Variants in SEC24A observed in about 807,000 individuals in gnomAD.
SEC24A encodes the protein SEC24 homolog A, COPII component.
A neutral mutation model predicts 129.4 loss-of-function variants in SEC24A; 93 were observed. The observed-to-expected ratio is 0.72, with a 90% CI of 0.61 to 0.85. The LOEUF (loss-of-function observed/expected upper bound fraction) is 0.85. SEC24A is among the 40% of genes least tolerant of loss of function. The pLI, the probability that SEC24A is intolerant of heterozygous loss-of-function variation, is 0.00. For missense variants in SEC24A, 1,264 were observed against 1,307.4 expected (o/e 0.97, Z 0.51); for synonymous variants, 460 against 467.3 (o/e 0.98, Z 0.20).
Position 134,727,494 on chromosome 5 carries a change from A to G in SEC24A, c.*2400A>G, listed in dbSNP as rs1752782674. On this transcript the variant is annotated 3_prime_UTR_variant, in exon 23 of 23. Transcript: ENST00000398844. ...ATTTTCACTGTTTTTAATTTAATGTATTGAGTCTAATAGACTGTTTTGCAA... is the reference window on the plus strand; with the variant it reads ...ATTTTCACTGTTTTTAATTTAATGTGTTGAGTCTAATAGACTGTTTTGCAA... 1 of 152,586 alleles carries G rather than the reference A, an allele frequency of 6.6e-6. No homozygotes were observed. The highest frequency in any genetic ancestry group is 6.5e-5 in the Admixed American group (1 of 15,274). 9.5% of individuals were successfully genotyped at this position (152,586 alleles called of 1,614,324 possible). A position where few individuals can be genotyped will look rare whatever the true frequency, so the allele number is the denominator to read the frequency against.
chr5:134,721,063 A>G lies in SEC24A; in HGVS notation c.3036A>G (p.Gln1012=), dbSNP rs762879159. ...TTCTCAGCCAAGTTCTAGGAGTTCA[A>G]AACTATGCATCAATTCCACAGCCTA... is the stretch of plus-strand genomic sequence containing the variant. ...QNFLSQVLGV[Q]NYASIPQPMT... Residue 1012 remains glutamine (Q), a synonymous_variant, in exon 21 of 23, where the codon CAA becomes CAG. Coordinates refer to ENST00000398844, the MANE Select transcript of SEC24A (RefSeq NM_021982.3). 2 of 1,611,698 alleles carry G rather than the reference A, an allele frequency of 1.2e-6. No homozygotes were observed. Among genetic ancestry groups the G allele is most frequent in the Non-Finnish European group, 1.7e-6 (2 of 1,177,920 alleles).
chr5:134,715,066 A>AT lies in SEC24A; in HGVS notation c.2775dup (p.Ala926CysfsTer23). On this transcript the variant is annotated frameshift_variant, in exon 19 of 23. Coordinates refer to ENST00000398844, the MANE Select transcript of SEC24A (RefSeq NM_021982.3). LOFTEE classifies it high-confidence loss of function. The stretch of plus-strand genomic sequence containing the variant: ...GACAAATGCACGTCTAGATGAACGC[A>AT]TTTTTGCTATGTGTCAAGTGAAAAA... The AT allele has an allele frequency of 1.2e-6, 2 of 1,613,082 alleles. No individual in the cohort carries two copies. Among genetic ancestry groups the AT allele is most frequent in the Non-Finnish European group, 1.7e-6 (2 of 1,179,746 alleles).
intron 19 of SEC24A, among the ~76,000 whole-genome samples, chr5:134,717,229 C>G (rs1479251529): frequency 2.0e-5 from 3 of 152,020 alleles, no homozygotes; most frequent in South Asian, 2.1e-4. Context: ...AATGGCCAGG[C>G]ACGGTAAATC....
At position 134,693,248 on chromosome 5, in the gene SEC24A, A is replaced by G. The variant is rs1360213924; in HGVS notation, c.1780-479A>G. ...CATAGTGCGAAGTATTTTTTTCCCC[A>G]TTAACTCTATTTGTACAACCTAACC... On this transcript the variant is annotated intron_variant, in intron 12 of 22. Coordinates refer to ENST00000398844, the MANE Select transcript of SEC24A (RefSeq NM_021982.3). 9.6e-6 allele frequency: 14 copies of G among 1,464,094 alleles called. No individual in the cohort carries two copies. The African/African-American group carries it at 1.4e-4, about 15-fold the overall frequency. 90.7% of individuals were successfully genotyped at this position (1,464,094 alleles called of 1,614,324 possible).
chr5:134,675,367 A>G lies in SEC24A; in HGVS notation c.1151+150A>G, dbSNP rs1022146415. Reference sequence around the variant, plus strand: ...TAGAACTCTTTTACTTGTTTACTTAATAGAGATTTGAAAAGTCCTACGTCA... The same window carrying G: ...TAGAACTCTTTTACTTGTTTACTTAGTAGAGATTTGAAAAGTCCTACGTCA... On this transcript the variant is annotated intron_variant, in intron 6 of 22. Transcript: ENST00000398844. 6.4e-6 allele frequency: 4 copies of G among 620,390 alleles called. No individual in the cohort carries two copies. The African/African-American group carries it at 7.3e-5, about 11-fold the overall frequency. 38.4% of individuals were successfully genotyped at this position (620,390 alleles called of 1,614,324 possible). A position where few individuals can be genotyped will look rare whatever the true frequency, so the allele number is the denominator to read the frequency against.
intron 2 of SEC24A, among the ~76,000 whole-genome samples, chr5:134,662,805 T>A (rs930442412): frequency 6.6e-6 from 1 of 152,152 alleles, no homozygotes; most frequent in African/African-American, 2.4e-5. Context: ...TTTGATACCA[T>A]GAGTGAGCAT....
At chr5:134,696,714 G>C (rs1751836711) in intron 13 of SEC24A, among the ~76,000 whole-genome samples, 1 of 151,928 alleles carries the variant, frequency 6.6e-6, no homozygotes, top group South Asian at 2.1e-4. Flanking sequence ...TAGCCAGGAT[G>C]GTCTCGATCT....
chr5:134,693,658 G>T, intron 12 of SEC24A, 69 bp from the exon 13 acceptor site: 1 of 1,563,324 alleles, frequency 6.4e-7, no homozygotes, highest in South Asian at 1.2e-5. Flanking sequence ...TCTATTGTAT[G>T]AGATACTGAC....
At chr5:134,713,626 T>C (rs1752393162) in intron 18 of SEC24A, among the ~76,000 whole-genome samples, 1 of 152,128 alleles carries the variant, frequency 6.6e-6, no homozygotes, top group Admixed American at 6.6e-5. Flanking sequence ...TCTTAAGAGC[T>C]TTTATTATCT....
chr5:134,692,763 G>A, intron 12 of SEC24A, 106 bp downstream of exon 12: 1 of 795,016 alleles, frequency 1.3e-6, no homozygotes, highest in Non-Finnish European at 2.2e-6. Context: ...ACATTTCTAA[G>A]ATGTGTAGCA....
rs911372010 is a variant in SEC24A, at chr5:134,725,717, T to C, written c.*623T>C. 27 of 152,542 alleles carry C rather than the reference T, an allele frequency of 1.8e-4. No homozygotes were observed. The highest frequency in any genetic ancestry group is 6.5e-4 in the African/African-American group (27 of 41,440). The allele number at this position is 152,542 out of a possible 1,614,324, so 9.4% of individuals were successfully genotyped here. A position where few individuals can be genotyped will look rare whatever the true frequency, so the allele number is the denominator to read the frequency against. Reference sequence around the variant, plus strand: ...CTTTAAAATCTGTCAGTATTCTTTATGCTTGAAGAACAAAGTCACTTTGAT... The same window carrying C: ...CTTTAAAATCTGTCAGTATTCTTTACGCTTGAAGAACAAAGTCACTTTGAT... On this transcript the variant is annotated 3_prime_UTR_variant, in exon 23 of 23. Coordinates refer to ENST00000398844, the MANE Select transcript of SEC24A (RefSeq NM_021982.3).
Position 134,674,720 on chromosome 5 carries a change from C to A in SEC24A, c.923C>A (p.Thr308Asn), listed in dbSNP as rs376916049. 1 of 1,613,968 alleles carries A rather than the reference C, an allele frequency of 6.2e-7. No homozygotes were observed. Among genetic ancestry groups the A allele is most frequent in the Admixed American group, 1.7e-5 (1 of 59,980 alleles). Residue 308 changes from threonine (T) to asparagine (N), a missense_variant, in exon 5 of 23, where the codon ACT becomes AAT. Coordinates refer to ENST00000398844, the MANE Select transcript of SEC24A (RefSeq NM_021982.3). Reference sequence around the variant, plus strand: ...CAGAACACAACACCACCTGGTGCAACTGGAGTACCACCCTCTTCCTTGAAT... The same window carrying A: ...CAGAACACAACACCACCTGGTGCAAATGGAGTACCACCCTCTTCCTTGAAT... ...GYQNTTPPGA[T>N]GVPPSSLNYP... is the part of the protein sequence containing the mutation.
chr5:134,674,928 C>A, intron 5 of SEC24A, 117 bp from the exon 6 acceptor site: 1 of 1,161,330 alleles, frequency 8.6e-7, no homozygotes. Context: ...ATACATTTTT[C>A]CAGAACCAAA....
chr5:134,700,756 T>C (rs1001584573), intron 15 of SEC24A, among the ~76,000 whole-genome samples: 7 of 151,916 alleles, frequency 4.6e-5, no homozygotes, highest in Non-Finnish European at 1.0e-4. Flanking sequence ...TCTTGCTCTT[T>C]TGTCCAGGCT....
rs762867639 is a variant in SEC24A, at chr5:134,703,952, TTGGATTTCAAATGTTCAAATATTGTC to T, written c.2440+35_2440+60del. ...GCAAAGGTAAATTGTTTGTTTTTTT[TTGGATTTCAAATGTTCAAATATTGTC>T]TGGATTTCAAATGTCAAAATGGGCT... On this transcript the variant is annotated intron_variant, in intron 16 of 22. Coordinates refer to ENST00000398844, the MANE Select transcript of SEC24A (RefSeq NM_021982.3). The T allele has an allele frequency of 3.3e-6, 5 of 1,525,294 alleles. No homozygotes were observed. Among genetic ancestry groups the T allele is most frequent in the Non-Finnish European group, 4.5e-6 (5 of 1,123,134 alleles). The allele number at this position is 1,525,294 out of a possible 1,614,324, so 94.5% of individuals were successfully genotyped here.
intron 18 of SEC24A, 118 bp from the exon 19 acceptor site, chr5:134,714,906 T>A: frequency 9.9e-7 from 1 of 1,013,624 alleles, no homozygotes; most frequent in Non-Finnish European, 1.4e-6. Context: ...TTAAAAAAAT[T>A]AACAGTAAAT....
chr5:134,667,040 T>C, intron 3 of SEC24A, 44 bp downstream of exon 3: 1 of 1,475,714 alleles, frequency 6.8e-7, no homozygotes, highest in East Asian at 2.4e-5. Flanking sequence ...AGTTTTGACT[T>C]AGGGTAGAAA....
At chr5:134,670,470 A>G (rs913530302) in intron 3 of SEC24A, among the ~76,000 whole-genome samples, 1 of 152,220 alleles carries the variant, frequency 6.6e-6, no homozygotes, top group Non-Finnish European at 1.5e-5. Context: ...AGTGTCTTCT[A>G]TTCCTGAATT....
chr5:134,716,882 T>C (rs1752491310), intron 19 of SEC24A, among the ~76,000 whole-genome samples: 1 of 138,410 alleles, frequency 7.2e-6, no homozygotes. Context: ...ACTTTTTTAC[T>C]TTTTTTTTTT....
Sources: gnomAD v4.1 joint callset for allele counts (sites outside exome capture counted in the v4.1 genomes callset) on GRCh38, gnomAD v4.1.1 for gene constraint, MANE v1.5 for transcripts, NCBI Gene and HGNC (gene_info 2026-07-23, HGNC 2026-07-21) for gene names.